The following CDC42BPA variants were observed in gnomAD, a reference collection of about 807,000 sequenced individuals.
The protein encoded by CDC42BPA is serine/threonine-protein kinase MRCK alpha.
In CDC42BPA, 80 loss-of-function variants were observed where a neutral mutation model predicts 223.5. That is an observed-to-expected ratio of 0.36 (90% CI 0.30 to 0.43). The LOEUF (loss-of-function observed/expected upper bound fraction) is 0.43. Among genes scored for constraint, CDC42BPA ranks in the 20% least tolerant of loss-of-function variants. The pLI is 1.00. For synonymous variants in CDC42BPA, 694 were observed against 718.6 expected (o/e 0.97, Z 0.55); for missense variants, 1,743 against 2,099.9 (o/e 0.83, Z 3.32).
chr1:227,285,628 A>G (rs866524832), intron 1 of CDC42BPA, among the ~76,000 whole-genome samples: 1 of 152,326 alleles, frequency 6.6e-6, no homozygotes, highest in Middle Eastern at 3.4e-3. Flanking sequence ...TACAAATTGT[A>G]TCCTCTGTGA....
At chr1:227,116,002 A>G (rs538788028) in intron 12 of CDC42BPA, among the ~76,000 whole-genome samples, 16 of 152,182 alleles carry the variant, frequency 1.1e-4, no homozygotes, top group Admixed American at 2.0e-4. Flanking sequence ...TGTGCTGAAA[A>G]TCTAGCTCCA....
At chr1:227,008,711 A>G (rs879885063) in intron 34 of CDC42BPA, among the ~76,000 whole-genome samples, 2 of 152,252 alleles carry the variant, frequency 1.3e-5, no homozygotes, top group Non-Finnish European at 2.9e-5. Flanking sequence ...GAAAAGCTCC[A>G]AAGCATACAT....
At chr1:227,000,134 TAAG>T (rs1179638391) in intron 35 of CDC42BPA, among the ~76,000 whole-genome samples, 518 of 48,490 alleles carry the variant, frequency 0.011, 8 homozygotes, top group Non-Finnish European at 0.013. Context: ...ATAATAATAA[TAAG>T]CTCTCCTGAT....
intron 1 of CDC42BPA, among the ~76,000 whole-genome samples, chr1:227,282,046 G>A (rs745433188): frequency 5.9e-5 from 9 of 151,912 alleles, no homozygotes; most frequent in South Asian, 2.1e-4. Flanking sequence ...AAAATTAGCC[G>A]GGCGTGGTGA....
At chr1:227,209,988 G>A (rs1265632974) in intron 3 of CDC42BPA, among the ~76,000 whole-genome samples, 2 of 150,042 alleles carry the variant, frequency 1.3e-5, no homozygotes, top group Admixed American at 6.6e-5. Context: ...ATCTGGTCCT[G>A]GACTCTTTTT....
chr1:227,195,609 T>G (rs905708272), intron 4 of CDC42BPA, among the ~76,000 whole-genome samples: 4 of 152,114 alleles, frequency 2.6e-5, no homozygotes, highest in African/African-American at 9.7e-5. Context: ...TCTCCTCAAT[T>G]CAAATGAAAT....
rs78386413 is a variant in CDC42BPA, at chr1:227,131,843, A to G, written c.1391-2612T>C. Reference sequence around the variant, plus strand: ...AGAATTCTCACATCTGCAGCCCAAAACAATCTAGCTGATAGACTTCTCTCC... The same window carrying G: ...AGAATTCTCACATCTGCAGCCCAAAGCAATCTAGCTGATAGACTTCTCTCC... On this transcript the variant is annotated intron_variant, in intron 10 of 36. Transcript: ENST00000366766. 6.8e-3 allele frequency among the ~76,000 whole-genome samples: 1,029 copies of G among 152,310 alleles called. 9 individuals carry two copies. Among genetic ancestry groups the G allele is most frequent in the South Asian group, 0.015 (72 of 4,824 alleles).
intron 1 of CDC42BPA, among the ~76,000 whole-genome samples, chr1:227,289,819 A>C (rs984214600): frequency 1.3e-5 from 2 of 151,520 alleles, no homozygotes; most frequent in African/African-American, 4.8e-5. Flanking sequence ...ATGGGATGCC[A>C]AAGTGGGAAG....
At position 227,023,252 on chromosome 1, in the gene CDC42BPA, T is replaced by C. The variant is rs1223793693; in HGVS notation, c.4615+11A>G. 1.7e-6 allele frequency: 2 copies of C among 1,205,560 alleles called. No homozygotes were observed. The highest frequency in any genetic ancestry group is 1.3e-5 in the South Asian group (1 of 76,770). 74.7% of individuals were successfully genotyped at this position (1,205,560 alleles called of 1,614,324 possible). On this transcript the variant is annotated intron_variant, in intron 32 of 36. Coordinates refer to ENST00000366766, the MANE Select transcript of CDC42BPA (RefSeq NM_001394014.1). ...ATGAAGCTATCCCTATGAATATATGTATTTTCTTACCTGCCATCTTATTTT... is the reference window on the plus strand; with the variant it reads ...ATGAAGCTATCCCTATGAATATATGCATTTTCTTACCTGCCATCTTATTTT...
intron 2 of CDC42BPA, among the ~76,000 whole-genome samples, chr1:227,233,592 T>A (rs1459035577): frequency 1.3e-5 from 2 of 152,164 alleles, no homozygotes; most frequent in African/African-American, 4.8e-5. Flanking sequence ...CATGTGATTT[T>A]CCTCCCAAGA....
intron 32 of CDC42BPA, among the ~76,000 whole-genome samples, chr1:227,022,168 A>G (rs1001402134): frequency 1.3e-5 from 2 of 152,206 alleles, no homozygotes; most frequent in African/African-American, 2.4e-5. Flanking sequence ...GTGATGGCTC[A>G]GGCCTATAAT....
intron 32 of CDC42BPA, among the ~76,000 whole-genome samples, chr1:227,021,270 G>A (rs1047957231): frequency 6.6e-5 from 10 of 152,164 alleles, no homozygotes; most frequent in African/African-American, 9.6e-5. Flanking sequence ...ATAAACCTGC[G>A]ACTTGTAAAC....
intron 12 of CDC42BPA, among the ~76,000 whole-genome samples, chr1:227,116,210 A>G (rs933140577): frequency 6.6e-6 from 1 of 152,242 alleles, no homozygotes; most frequent in African/African-American, 2.4e-5. Flanking sequence ...TCACAGTATT[A>G]TAAGAAATTT....
At chr1:227,011,915 C>T (rs1045107113) in intron 34 of CDC42BPA, among the ~76,000 whole-genome samples, 1 of 152,056 alleles carries the variant, frequency 6.6e-6, no homozygotes, top group African/African-American at 2.4e-5. Context: ...GGGTGAATGG[C>T]GTGTTGGAGA....
rs776506992 is a variant in CDC42BPA at position 227,101,162 on chromosome 1, C to A, written c.2079G>T (p.Leu693Phe). The A allele has an allele frequency of 6.3e-7, 1 of 1,588,632 alleles. No individual in the cohort carries two copies. Among genetic ancestry groups the A allele is most frequent in the South Asian group, 1.1e-5 (1 of 90,356 alleles). Residue 693 changes from leucine to phenylalanine, a missense_variant, in exon 15 of 37, where the codon TTG (leucine) becomes TTT (phenylalanine). Coordinates refer to ENST00000366766, the MANE Select transcript of CDC42BPA (RefSeq NM_001394014.1). ...QQEITKLKTD[L>F]EKKSIFYEEE... ...CTTCATAAAAGATACTTTTCTTTTC[C>A]AAATCAGTCTTTAGTTTGGTTATCT...
chr1:227,261,080 G>T (rs1473389487), intron 1 of CDC42BPA, among the ~76,000 whole-genome samples: 1 of 145,736 alleles, frequency 6.9e-6, no homozygotes, highest in Non-Finnish European at 1.5e-5. Context: ...TTAAGCACCA[G>T]TATCTTTCAT....
At chr1:227,223,040 G>A (rs1219120153) in intron 2 of CDC42BPA, among the ~76,000 whole-genome samples, 3 of 152,156 alleles carry the variant, frequency 2.0e-5, no homozygotes, top group Non-Finnish European at 4.4e-5. Flanking sequence ...AAAAATCAGG[G>A]TCCTATAAAA....
At chr1:227,010,767 A>G (rs184330667) in intron 34 of CDC42BPA, 4 of 421,482 alleles carry the variant, frequency 9.5e-6, no homozygotes, top group Non-Finnish European at 1.4e-5. Context: ...AATAGGCCAA[A>G]GGAAAAGGTT....
Position 227,293,219 on chromosome 1 carries a change from T to C in CDC42BPA, c.178+23786A>G, listed in dbSNP as rs536603593. 2.0e-5 allele frequency among the ~76,000 whole-genome samples: 3 copies of C among 152,296 alleles called. No individual in the cohort carries two copies. The South Asian group carries it at 6.2e-4, about 32-fold the overall frequency. ...AGCAAAACAGACACAGTCCCTGCTC[T>C]AGTAAGGAAGATCAATAATAATCAA... On this transcript the variant is annotated intron_variant, in intron 1 of 36. Coordinates refer to ENST00000366766, the MANE Select transcript of CDC42BPA (RefSeq NM_001394014.1).
Sources: gnomAD v4.1 joint callset for allele counts (sites outside exome capture counted in the v4.1 genomes callset) on GRCh38, gnomAD v4.1.1 for gene constraint, MANE v1.5 for transcripts, NCBI Gene and HGNC (gene_info 2026-07-23, HGNC 2026-07-21) for gene names.